NTF3: variants seen among roughly 807,000 people sequenced by gnomAD.
NTF3 encodes the protein neurotrophin-3.
Under a neutral mutation model 26.3 loss-of-function variants are expected in NTF3, and 8 were observed. That is an observed-to-expected ratio of 0.30 (90% CI 0.18 to 0.55). The LOEUF (loss-of-function observed/expected upper bound fraction) is 0.55, where lower values mean the gene tolerates loss of function less well. NTF3 is among the 20% of genes least tolerant of loss of function. NTF3 has a pLI of 0.93. For synonymous variants in NTF3, 154 were observed against 145.5 expected (o/e 1.06, Z -0.42); for missense variants, 276 against 352.9 (o/e 0.78, Z 1.75).
chr12:5,449,120 C>T (rs554539127), intron 1 of NTF3, among the ~76,000 whole-genome samples: 6 of 152,276 alleles, frequency 3.9e-5, no homozygotes, highest in African/African-American at 1.4e-4. Context: ...CCTAAGACTT[C>T]TGATGGATGA....
chr12:5,432,339 C>T lies in NTF3; in HGVS notation c.15C>T (p.Ala5=). Residue 5 remains alanine (A), a synonymous_variant, in exon 1 of 2, where the codon GCC becomes GCT. Coordinates refer to ENST00000423158, the MANE Select transcript of NTF3 (RefSeq NM_001102654.2). ...ACACGGATGCCATGGTTACTTTTGC[C>T]ACGGTAAGGGGAGGCGGCGGGCACC... MVTF[A]TILQVNKVMS... is the part of the protein sequence containing the mutation. The T allele has an allele frequency of 6.2e-7, 1 of 1,613,076 alleles. No homozygotes were observed. Among genetic ancestry groups the T allele is most frequent in the Non-Finnish European group, 8.5e-7 (1 of 1,179,740 alleles).
chr12:5,486,980 C>T (rs1220899008), intron 1 of NTF3, among the ~76,000 whole-genome samples: 1 of 150,844 alleles, frequency 6.6e-6, no homozygotes, highest in African/African-American at 2.4e-5. Context: ...TGTGAGTTAC[C>T]AAAACAAATA....
rs1368317714 is a variant in NTF3, at chr12:5,494,949, C to T, written c.774C>T (p.Ser258=). The change falls in exon 2 of 2, where the codon TCC becomes TCT. Residue 258 remains serine, a synonymous_variant. Transcript: ENST00000423158. This position sits in a 1 kb window ranked among gnomAD's most constrained non-coding sequence, Gnocchi z 8.3. ...GGCGGTGGATACGGATAGACACGTC[C>T]TGTGTGTGTGCCTTGTCGAGAAAAA... is the stretch of plus-strand genomic sequence containing the variant. ...VGWRWIRIDT[S]CVCALSRKIG... 6.2e-7 allele frequency: 1 copy of T among 1,614,088 alleles called. No individual in the cohort carries two copies. Among genetic ancestry groups the T allele is most frequent in the South Asian group, 1.1e-5 (1 of 91,060 alleles).
intron 1 of NTF3, among the ~76,000 whole-genome samples, chr12:5,441,440 C>A (rs1940234768): frequency 6.6e-6 from 1 of 152,190 alleles, no homozygotes; most frequent in South Asian, 2.1e-4. Flanking sequence ...ATGCTTACCC[C>A]TCCATCATCA....
At chr12:5,493,503 C>G (rs1940964243) in intron 1 of NTF3, among the ~76,000 whole-genome samples, 1 of 152,068 alleles carries the variant, frequency 6.6e-6, no homozygotes, top group African/African-American at 2.4e-5. Context: ...AGAGCGTCCC[C>G]GGGGATGGAG....
intron 1 of NTF3, among the ~76,000 whole-genome samples, chr12:5,467,692 G>A (rs1407168782): frequency 2.6e-5 from 4 of 152,152 alleles, no homozygotes; most frequent in Non-Finnish European, 5.9e-5. Flanking sequence ...TTGGGACCAT[G>A]GTTTCTTCAG....
chr12:5,447,428 A>G (rs1940319732), intron 1 of NTF3, among the ~76,000 whole-genome samples: 1 of 152,216 alleles, frequency 6.6e-6, no homozygotes, highest in Admixed American at 6.5e-5. Context: ...TTAAGGAAAA[A>G]TGTTCTTCAG....
intron 1 of NTF3, among the ~76,000 whole-genome samples, chr12:5,457,975 C>G (rs1363614659): frequency 1.3e-5 from 2 of 152,176 alleles, no homozygotes; most frequent in Non-Finnish European, 2.9e-5. Context: ...ATCAAAACCA[C>G]CATTGTCTCT....
intron 1 of NTF3, among the ~76,000 whole-genome samples, chr12:5,489,431 G>A (rs1940906943): frequency 6.6e-6 from 1 of 151,792 alleles, no homozygotes; most frequent in Non-Finnish European, 1.5e-5. Flanking sequence ...GAGCTCTAGA[G>A]CCAGAAGGTG....
intron 1 of NTF3, among the ~76,000 whole-genome samples, chr12:5,486,367 C>A (rs1342110644): frequency 6.6e-6 from 1 of 152,166 alleles, no homozygotes; most frequent in Non-Finnish European, 1.5e-5. Flanking sequence ...TTTCCCTTAG[C>A]CTTCAACCCT....
chr12:5,466,530 A>C (rs1210583720), intron 1 of NTF3, among the ~76,000 whole-genome samples: 1 of 152,256 alleles, frequency 6.6e-6, no homozygotes, highest in South Asian at 2.1e-4. Context: ...CCTAGCCATC[A>C]TTTCATTCCA....
intron 1 of NTF3, among the ~76,000 whole-genome samples, chr12:5,441,583 A>C (rs1940237052): frequency 1.3e-5 from 2 of 152,174 alleles, no homozygotes; most frequent in Admixed American, 6.5e-5. Flanking sequence ...TTTAATTTGC[A>C]TTCCTAGAAT....
chr12:5,484,598 A>G (rs7300425), intron 1 of NTF3, among the ~76,000 whole-genome samples: 8,223 of 152,258 alleles, frequency 0.054, 593 homozygotes, highest in African/African-American at 0.17. Flanking sequence ...AAGGGCCAAC[A>G]ATCATAAAAC....
intron 1 of NTF3, among the ~76,000 whole-genome samples, chr12:5,462,177 A>T (rs1940533322): frequency 6.9e-6 from 1 of 145,668 alleles, no homozygotes; most frequent in Non-Finnish European, 1.5e-5. Flanking sequence ...TACAGCAGAC[A>T]TCACTAATCA....
At chr12:5,465,286 G>A (rs1940575733) in intron 1 of NTF3, among the ~76,000 whole-genome samples, 1 of 152,208 alleles carries the variant, frequency 6.6e-6, no homozygotes, top group African/African-American at 2.4e-5. Flanking sequence ...TTGGCTGCAG[G>A]CCGTTGCCTA....
At chr12:5,483,515 G>A (rs977579600) in intron 1 of NTF3, among the ~76,000 whole-genome samples, 2 of 152,152 alleles carry the variant, frequency 1.3e-5, no homozygotes, top group African/African-American at 4.8e-5. Flanking sequence ...ACAAGATGAC[G>A]GCTCATCTCC....
intron 1 of NTF3, among the ~76,000 whole-genome samples, chr12:5,438,172 T>A (rs943805759): frequency 1.1e-4 from 16 of 151,706 alleles, no homozygotes; most frequent in Non-Finnish European, 2.2e-4. Context: ...AAAAAAAAAG[T>A]CTTTCAGAGG....
intron 1 of NTF3, among the ~76,000 whole-genome samples, chr12:5,440,166 G>A (rs1381576610): frequency 2.6e-5 from 4 of 152,114 alleles, no homozygotes; most frequent in Non-Finnish European, 4.4e-5. Context: ...AGACAGTTAA[G>A]GACAGGTGAC....
chr12:5,457,470 C>T (rs1430933401), intron 1 of NTF3, among the ~76,000 whole-genome samples: 2 of 152,152 alleles, frequency 1.3e-5, no homozygotes, highest in Admixed American at 6.5e-5. Flanking sequence ...TAGGATACCA[C>T]GGCATCCTGG....
Sources: allele counts gnomAD v4.1 joint callset (sites outside exome capture counted in the v4.1 genomes callset), GRCh38; gene constraint gnomAD v4.1.1; non-coding constraint Gnocchi (gnomAD v3.1); transcripts MANE v1.5; gene names NCBI Gene and HGNC (gene_info 2026-07-23, HGNC 2026-07-21).